Variants in COL11A1 observed in about 807,000 individuals in gnomAD.
COL11A1 encodes the protein collagen type XI alpha 1 chain.
COL11A1 carries 74 observed loss-of-function variants against 265.2 expected under a neutral mutation model. The ratio of observed to expected loss-of-function variants is 0.28; its 90% CI spans 0.23 to 0.34. COL11A1 has a LOEUF of 0.34. Among genes scored for constraint, COL11A1 ranks in the 10% least tolerant of loss-of-function variants. COL11A1 has a pLI of 1.00. For missense variants in COL11A1, 2,165 were observed against 2,263.6 expected (o/e 0.96, Z 0.88); for synonymous variants, 816 against 727.6 (o/e 1.12, Z -1.96).
intron 54 of COL11A1, among the ~76,000 whole-genome samples, chr1:102,910,396 T>A (rs1261320855): frequency 6.6e-6 from 1 of 152,106 alleles, no homozygotes; most frequent in Admixed American, 6.6e-5. Flanking sequence ...TTTGACATAT[T>A]TTAAAATGAA....
intron 4 of COL11A1, among the ~76,000 whole-genome samples, chr1:103,043,763 T>G (rs1669024197): frequency 6.6e-6 from 1 of 152,090 alleles, no homozygotes. Context: ...GACTTCTAGT[T>G]ATAATTTTTC....
At position 103,074,809 on chromosome 1, in the gene COL11A1, G is replaced by A. The variant is rs376831397; in HGVS notation, c.489-29C>T. On this transcript the variant is annotated intron_variant, in intron 3 of 66. Coordinates refer to ENST00000370096, the MANE Select transcript of COL11A1 (RefSeq NM_001854.4). ...AAAAAGACAAGTAATTCTTTTGTAA[G>A]CTTCAAAGAAACAGTGGTTGCCAAA... 7.3e-5 allele frequency: 118 copies of A among 1,611,570 alleles called. No homozygotes were observed. The African/African-American group carries it at 1.4e-3, about 19-fold the overall frequency.
At position 102,882,327 on chromosome 1, in the gene COL11A1, A is replaced by G. The variant is rs187025770; in HGVS notation, c.4972-562T>C. On this transcript the variant is annotated intron_variant, in intron 64 of 66. Transcript: ENST00000370096. ...CAGCAAAGGGTATATAAGTCTTCAC[A>G]ATAGGGAACTCGAGTTATCTGTGTA... Among the ~76,000 whole-genome samples the G allele has an allele frequency of 8.5e-5, 13 of 152,310 alleles. No homozygotes were observed. The East Asian group carries it at 2.3e-3, about 27-fold the overall frequency.
chr1:102,885,749 C>T (rs79348447), intron 63 of COL11A1, among the ~76,000 whole-genome samples: 7,756 of 152,134 alleles, frequency 0.051, 714 homozygotes, highest in African/African-American at 0.18. Context: ...AAATCATCTA[C>T]ATCTTTTGCT....
intron 1 of COL11A1, among the ~76,000 whole-genome samples, chr1:103,104,138 C>T (rs1337191): frequency 0.49 from 74,987 of 151,732 alleles, 21,686 homozygotes; most frequent in East Asian, 0.92. Context: ...TATATAAACA[C>T]CTTTTTTTAA....
chr1:103,003,222 C>G lies in COL11A1; in HGVS notation c.1991G>C (p.Gly664Ala), dbSNP rs1432891693. 7.4e-6 allele frequency: 12 copies of G among 1,613,426 alleles called. No individual in the cohort carries two copies. The highest frequency in any genetic ancestry group is 7.6e-6 in the Non-Finnish European group (9 of 1,179,820). ...LGPRGTPGAP[G>A]QPGMAGVDGP... ...GTTTCCAGCAATACATACAGGCTGCCCTGGAGCTCCTGGAGTTCCCCTTGG... is the reference window on the plus strand; with the variant it reads ...GTTTCCAGCAATACATACAGGCTGCGCTGGAGCTCCTGGAGTTCCCCTTGG... Residue 664 changes from glycine (G) to alanine (A), a missense_variant, in exon 21 of 67, where the codon GGG becomes GCG. Gly to Ala is a moderately conservative substitution (Grantham distance 60). Transcript: ENST00000370096.
intron 14 of COL11A1, among the ~76,000 whole-genome samples, chr1:103,010,352 TAAA>T (rs1212725619): frequency 6.6e-6 from 1 of 152,152 alleles, no homozygotes; most frequent in Non-Finnish European, 1.5e-5. Flanking sequence ...TTTGAAATGG[TAAA>T]AAGAAACAAT....
intron 36 of COL11A1, among the ~76,000 whole-genome samples, chr1:102,973,334 A>G (rs1662151711): frequency 6.6e-6 from 1 of 152,146 alleles, no homozygotes; most frequent in South Asian, 2.1e-4. Flanking sequence ...TGCACGATCA[A>G]TGGCTCAAAA....
intron 54 of COL11A1, among the ~76,000 whole-genome samples, chr1:102,907,453 A>T (rs1332815245): frequency 1.3e-5 from 2 of 152,104 alleles, no homozygotes; most frequent in Non-Finnish European, 2.9e-5. Flanking sequence ...ATACAGTATC[A>T]TTAACTTAGA....
chr1:103,012,659 A>C (rs1666225429), intron 13 of COL11A1, among the ~76,000 whole-genome samples, 190 bp from the exon 14 acceptor site: 1 of 152,174 alleles, frequency 6.6e-6, no homozygotes, highest in Non-Finnish European at 1.5e-5. Flanking sequence ...TAAATATCAG[A>C]CATTTTAAAA....
chr1:103,099,050 C>T (rs866087117), intron 1 of COL11A1, among the ~76,000 whole-genome samples: 6 of 151,876 alleles, frequency 4.0e-5, no homozygotes, highest in Middle Eastern at 3.4e-3. Flanking sequence ...ATGTCAACAA[C>T]GCCCTCACTT....
intron 9 of COL11A1, among the ~76,000 whole-genome samples, chr1:103,020,159 G>A (rs1284853058): frequency 5.3e-5 from 8 of 151,948 alleles, no homozygotes; most frequent in Non-Finnish European, 8.8e-5. Flanking sequence ...CTGAGGAATT[G>A]CCACACTGAC....
chr1:102,957,740 G>C (rs1222810261), intron 41 of COL11A1, among the ~76,000 whole-genome samples: 1 of 151,986 alleles, frequency 6.6e-6, no homozygotes, highest in Non-Finnish European at 1.5e-5. Context: ...ACTTGAAAAT[G>C]AGTTTATGTA....
At chr1:102,924,947 A>AT (rs893089303) in intron 46 of COL11A1, among the ~76,000 whole-genome samples, 13 of 151,840 alleles carry the variant, frequency 8.6e-5, no homozygotes, top group Non-Finnish European at 1.6e-4. Flanking sequence ...AGGATTATGG[A>AT]TTTTTTTCAG....
intron 47 of COL11A1, 117 bp from the exon 48 acceptor site, chr1:102,921,688 G>A: frequency 1.2e-6 from 1 of 837,978 alleles, no homozygotes. Context: ...TATAGTTAGT[G>A]AAGCACATCA....
At chr1:103,015,102 T>A (rs752651009) in intron 12 of COL11A1, among the ~76,000 whole-genome samples, 41 of 152,090 alleles carry the variant, frequency 2.7e-4, no homozygotes, top group Non-Finnish European at 5.1e-4. Flanking sequence ...TATTCCTCTA[T>A]AAAATTTGCT....
chr1:102,969,418 C>T (rs1661742291), intron 37 of COL11A1, among the ~76,000 whole-genome samples: 1 of 152,184 alleles, frequency 6.6e-6, no homozygotes, highest in Non-Finnish European at 1.5e-5. Flanking sequence ...CTTGAGAAGT[C>T]TGGATAAAAG....
chr1:103,027,689 C>T (rs540322374), intron 5 of COL11A1, among the ~76,000 whole-genome samples: 1 of 151,744 alleles, frequency 6.6e-6, no homozygotes, highest in South Asian at 2.1e-4. Flanking sequence ...GATCACAGTG[C>T]CTTCTAATAA....
intron 1 of COL11A1, among the ~76,000 whole-genome samples, chr1:103,104,771 CAT>C (rs1439856507): frequency 1.3e-5 from 2 of 152,136 alleles, no homozygotes; most frequent in Non-Finnish European, 2.9e-5. Context: ...AATGGAAAGA[CAT>C]AATATTAATG....
Sources: gnomAD v4.1 joint callset for allele counts (sites outside exome capture counted in the v4.1 genomes callset) on GRCh38, gnomAD v4.1.1 for gene constraint, MANE v1.5 for transcripts, NCBI Gene and HGNC (gene_info 2026-07-23, HGNC 2026-07-21) for gene names.